CHRNA7: variants seen among roughly 807,000 people sequenced by gnomAD.
CHRNA7 encodes the protein cholinergic receptor nicotinic alpha 7 subunit.
A neutral mutation model predicts 48.0 loss-of-function variants in CHRNA7; 17 were observed. The observed-to-expected ratio is 0.35, with a 90% CI of 0.24 to 0.53. The LOEUF (loss-of-function observed/expected upper bound fraction) is 0.53. CHRNA7 is among the 20% of genes least tolerant of loss of function. The pLI, the probability that CHRNA7 is intolerant of heterozygous loss-of-function variation, is 0.92. For synonymous variants in CHRNA7, 75 were observed against 242.3 expected (o/e 0.31, Z 6.41); for missense variants, 155 against 577.7 (o/e 0.27, Z 7.50).
At chr15:32,089,166 A>G (rs915119205) in intron 2 of CHRNA7, among the ~76,000 whole-genome samples, 2 of 152,164 alleles carry the variant, frequency 1.3e-5, no homozygotes, top group African/African-American at 2.4e-5. Flanking sequence ...TCTTGGATCT[A>G]TGATTTGTGT....
chr15:32,034,024 G>A (rs372573592), intron 2 of CHRNA7, among the ~76,000 whole-genome samples: 1 of 152,118 alleles, frequency 6.6e-6, no homozygotes, highest in African/African-American at 2.4e-5. Flanking sequence ...AAAGATGAGG[G>A]ATTATTTTTC....
At chr15:32,106,715 C>A (rs1500947) in intron 3 of CHRNA7, among the ~76,000 whole-genome samples, 2 of 152,232 alleles carry the variant, frequency 1.3e-5, no homozygotes, top group Admixed American at 6.5e-5. Context: ...TTTTAAAACA[C>A]CTGTCTTCTG....
intron 2 of CHRNA7, among the ~76,000 whole-genome samples, chr15:32,034,665 T>C (rs942085675): frequency 6.6e-6 from 1 of 152,194 alleles, no homozygotes; most frequent in Non-Finnish European, 1.5e-5. Context: ...TGCCATAGCA[T>C]ATTTTCCTAG....
At chr15:32,046,164 A>G (rs1385674632) in intron 2 of CHRNA7, among the ~76,000 whole-genome samples, 2 of 152,012 alleles carry the variant, frequency 1.3e-5, no homozygotes, top group Non-Finnish European at 2.9e-5. Context: ...CATGATTTAT[A>G]GTCCTTTGGG....
chr15:32,120,372 A>G (rs950370827), intron 4 of CHRNA7, among the ~76,000 whole-genome samples: 3 of 151,756 alleles, frequency 2.0e-5, no homozygotes, highest in Non-Finnish European at 4.4e-5. Flanking sequence ...TCAGCCTTCC[A>G]CTTCCTAAAA....
chr15:32,121,121 A>G (rs2050961510), intron 4 of CHRNA7, among the ~76,000 whole-genome samples: 1 of 152,216 alleles, frequency 6.6e-6, no homozygotes, highest in South Asian at 2.1e-4. Flanking sequence ...AGACCTCAGC[A>G]GTGCAGGGTG....
chr15:32,109,672 A>C (rs2141276114), intron 3 of CHRNA7, among the ~76,000 whole-genome samples: 1 of 152,346 alleles, frequency 6.6e-6, no homozygotes, highest in South Asian at 2.1e-4. Context: ...GCCCTGACCC[A>C]GTGACTGACT....
chr15:32,138,496 G>A (rs561106305), intron 4 of CHRNA7, among the ~76,000 whole-genome samples: 40 of 135,996 alleles, frequency 2.9e-4, no homozygotes, highest in African/African-American at 1.1e-3. Context: ...CACCAGGGCC[G>A]TACAATTGAA....
intron 2 of CHRNA7, among the ~76,000 whole-genome samples, chr15:32,085,158 G>A (rs1257016869): frequency 1.3e-5 from 2 of 152,052 alleles, no homozygotes; most frequent in Admixed American, 6.6e-5. Context: ...TCAGCAACAT[G>A]TCCCTGTAGG....
At chr15:32,104,861 C>T (rs113903044) in intron 3 of CHRNA7, among the ~76,000 whole-genome samples, 9 of 152,282 alleles carry the variant, frequency 5.9e-5, no homozygotes, top group African/African-American at 1.4e-4. Flanking sequence ...TAAGGAACAA[C>T]GCTGCTGTTG....
chr15:32,099,968 C>G (rs953817427), intron 2 of CHRNA7: 3 of 152,196 alleles, frequency 2.0e-5, no homozygotes, highest in African/African-American at 7.2e-5. Context: ...CATCCCATGT[C>G]CCTCCCCAGG....
In CHRNA7 at chr15:32,111,489, G is replaced by A. The variant is rs1423498203; in HGVS notation, c.241-301G>A. Reference sequence around the variant, plus strand: ...AAAACAGTTATTCATTTGGCTAGAAGTAACCCATCTACTGCAGGAGGAGAA... The same window carrying A: ...AAAACAGTTATTCATTTGGCTAGAAATAACCCATCTACTGCAGGAGGAGAA... On this transcript the variant is annotated intron_variant, in intron 3 of 9. Coordinates refer to ENST00000306901, the MANE Select transcript of CHRNA7 (RefSeq NM_000746.6). 1.1e-5 allele frequency: 3 copies of A among 277,970 alleles called. No individual in the cohort carries two copies. In the East Asian group the frequency reaches 2.0e-4, roughly 19 times the overall value. The allele number at this position is 277,970 out of a possible 1,614,324, so 17.2% of individuals were successfully genotyped here. A position where few individuals can be genotyped will look rare whatever the true frequency, so the allele number is the denominator to read the frequency against.
chr15:32,058,916 C>T (rs142833957), intron 2 of CHRNA7, among the ~76,000 whole-genome samples: 1 of 152,288 alleles, frequency 6.6e-6, no homozygotes, highest in Non-Finnish European at 1.5e-5. Context: ...ATGTTTGTCT[C>T]TTTGATGATC....
chr15:32,144,925 G>T (rs773423129), intron 4 of CHRNA7, among the ~76,000 whole-genome samples: 1 of 152,136 alleles, frequency 6.6e-6, no homozygotes, highest in African/African-American at 2.4e-5. Context: ...CTGTCAACTC[G>T]TCAAAGTCAT....
chr15:32,147,895 A>T (rs575802593), intron 4 of CHRNA7, among the ~76,000 whole-genome samples: 1 of 152,204 alleles, frequency 6.6e-6, no homozygotes, highest in African/African-American at 2.4e-5. Context: ...CAATCTGGGC[A>T]TTGCTTCCGT....
chr15:32,166,333 A>G (rs1396188667), intron 9 of CHRNA7: 3 of 152,328 alleles, frequency 2.0e-5, no homozygotes, highest in Admixed American at 2.0e-4. Context: ...CTGGGGCCAT[A>G]TGTCCCTGCT....
At chr15:32,121,333 G>C (rs959151541) in intron 4 of CHRNA7, among the ~76,000 whole-genome samples, 1 of 152,216 alleles carries the variant, frequency 6.6e-6, no homozygotes, top group Non-Finnish European at 1.5e-5. Flanking sequence ...GTAATCAGTA[G>C]CAAATCAGTT....
Position 32,149,608 on chromosome 15 carries a change from C to T in CHRNA7, c.351-4299C>T, listed in dbSNP as rs937902016. ...ACTATGTACTTATAAAATCAATTTG[C>T]CTATGGGAAAGAAGCGTAAAACTAC... is the stretch of plus-strand genomic sequence containing the variant. On this transcript the variant is annotated intron_variant, in intron 4 of 9. Transcript: ENST00000306901. The surrounding 1 kb of genome is among the most constrained non-coding windows in gnomAD (Gnocchi z 4.6). 6.6e-6 allele frequency among the ~76,000 whole-genome samples: 1 copy of T among 152,090 alleles called. No individual in the cohort carries two copies. The highest frequency in any genetic ancestry group is 2.1e-4 in the South Asian group (1 of 4,828).
At chr15:32,113,579 A>C (rs1000741475) in intron 4 of CHRNA7, among the ~76,000 whole-genome samples, 1 of 152,070 alleles carries the variant, frequency 6.6e-6, no homozygotes, top group African/African-American at 2.4e-5. Flanking sequence ...AAAAACGGGG[A>C]AAGTGCCGGC....
Sources: allele counts gnomAD v4.1 joint callset (sites outside exome capture counted in the v4.1 genomes callset), GRCh38; gene constraint gnomAD v4.1.1; non-coding constraint Gnocchi (gnomAD v3.1); transcripts MANE v1.5; gene names NCBI Gene and HGNC (gene_info 2026-07-23, HGNC 2026-07-21).